CACNA1A: variants seen among roughly 807,000 people sequenced by gnomAD.
CACNA1A encodes voltage-dependent P/Q-type calcium channel subunit alpha-1A.
Under a neutral mutation model 262.4 loss-of-function variants are expected in CACNA1A, and 57 were observed. The ratio of observed to expected loss-of-function variants is 0.22; its 90% CI spans 0.18 to 0.27. CACNA1A has a LOEUF of 0.27. Ranked by LOEUF, CACNA1A falls within the 10% of genes least tolerant of loss-of-function variation. The pLI is 1.00. For missense variants in CACNA1A, 2,526 were observed against 3,562.8 expected (o/e 0.71, Z 7.41); for synonymous variants, 1,431 against 1,419.3 (o/e 1.01, Z -0.18).
At chr19:13,425,738 G>A (rs1056986089) in intron 3 of CACNA1A, among the ~76,000 whole-genome samples, 2 of 152,050 alleles carry the variant, frequency 1.3e-5, no homozygotes, top group Non-Finnish European at 2.9e-5. Context: ...CTTCATCGCA[G>A]GCCTCAATGA....
intron 3 of CACNA1A, among the ~76,000 whole-genome samples, chr19:13,413,397 T>C (rs529979231): frequency 2.4e-4 from 36 of 148,452 alleles, no homozygotes; most frequent in South Asian, 7.0e-4. Context: ...TGAGCCACCG[T>C]GCCCGGCCTA....
intron 3 of CACNA1A, among the ~76,000 whole-genome samples, chr19:13,430,038 G>A (rs1255917722): frequency 7.2e-6 from 1 of 139,486 alleles, no homozygotes; most frequent in Non-Finnish European, 1.5e-5. Context: ...AAGGGGGAGC[G>A]GGGAGTGAGA....
At chr19:13,222,508 G>A (rs1012507161) in intron 38 of CACNA1A, among the ~76,000 whole-genome samples, 6 of 148,658 alleles carry the variant, frequency 4.0e-5, no homozygotes, top group African/African-American at 1.5e-4. Flanking sequence ...CAATTCTCCT[G>A]CCTCAGCCTT....
chr19:13,320,323 C>T (rs749722117), intron 10 of CACNA1A, among the ~76,000 whole-genome samples: 1 of 151,964 alleles, frequency 6.6e-6, no homozygotes, highest in Non-Finnish European at 1.5e-5. Context: ...GCTGGAGCCA[C>T]ACTGAAAACC....
chr19:13,431,432 GA>G (rs2060501460), intron 3 of CACNA1A, among the ~76,000 whole-genome samples: 1 of 152,046 alleles, frequency 6.6e-6, no homozygotes, highest in Non-Finnish European at 1.5e-5. Context: ...GGAAGATCTG[GA>G]GGTCTGAGGC....
At chr19:13,356,787 C>A (rs1568566702) in intron 6 of CACNA1A, among the ~76,000 whole-genome samples, 1 of 152,166 alleles carries the variant, frequency 6.6e-6, no homozygotes, top group Non-Finnish European at 1.5e-5. Context: ...CCTCTCACAC[C>A]AGCCTTGCAA....
chr19:13,336,521 G>C (rs373319027), intron 6 of CACNA1A, among the ~76,000 whole-genome samples: 12 of 149,668 alleles, frequency 8.0e-5, no homozygotes, highest in African/African-American at 2.5e-4. Context: ...CAAGAAGGAA[G>C]TAAGATGAGG....
chr19:13,363,065 A>G (rs1429452361), intron 5 of CACNA1A: 1 of 152,138 alleles, frequency 6.6e-6, no homozygotes, highest in Non-Finnish European at 1.5e-5. Context: ...CACACGTCTT[A>G]TATTTTTAAT....
At chr19:13,457,340 TCA>T (rs1334555728) in intron 1 of CACNA1A, among the ~76,000 whole-genome samples, 1 of 152,078 alleles carries the variant, frequency 6.6e-6, no homozygotes, top group Non-Finnish European at 1.5e-5. Context: ...AAAAAGTTAA[TCA>T]CAGAGTTACC....
intron 38 of CACNA1A, among the ~76,000 whole-genome samples, chr19:13,220,795 T>C (rs1296264796): frequency 6.6e-6 from 1 of 152,058 alleles, no homozygotes; most frequent in Non-Finnish European, 1.5e-5. Flanking sequence ...CTGGCTAATT[T>C]TAAAATTTTC....
At chr19:13,388,383 G>A (rs2059655648) in intron 3 of CACNA1A, among the ~76,000 whole-genome samples, 2 of 150,900 alleles carry the variant, frequency 1.3e-5, no homozygotes, top group Admixed American at 1.3e-4. Flanking sequence ...AGCCTCCTGA[G>A]TAGCTGGGAT....
chr19:13,209,422 G>C lies in CACNA1A; in HGVS notation c.6416C>G (p.Ser2139Trp). The C allele has an allele frequency of 2.9e-6, 4 of 1,393,240 alleles. No homozygotes were observed. The highest frequency in any genetic ancestry group is 3.7e-6 in the Non-Finnish European group (4 of 1,069,752). 86.3% of individuals were successfully genotyped at this position (1,393,240 alleles called of 1,614,324 possible). ...GPKARRLDDYSLERVPPEENQ... is the reference protein window; with the variant it reads ...GPKARRLDDYWLERVPPEENQ... ...CTCCTCGGGCGGGACCCGCTCCAGC[G>C]AGTAATCGTCCAGGCGTCGGGCCTT... is the stretch of plus-strand genomic sequence containing the variant. The change falls in exon 45 of 47, where the codon TCG becomes TGG. Residue 2139 changes from serine to tryptophan, a missense_variant. Coordinates refer to ENST00000360228, the MANE Select transcript of CACNA1A (RefSeq NM_001127222.2).
chr19:13,464,438 ACTT>A (rs1359189021), intron 1 of CACNA1A, among the ~76,000 whole-genome samples: 2 of 152,128 alleles, frequency 1.3e-5, no homozygotes, highest in African/African-American at 4.8e-5. Context: ...AAAAAAGAAA[ACTT>A]AATATGCTTA....
intron 1 of CACNA1A, among the ~76,000 whole-genome samples, chr19:13,477,887 T>G (rs1339068991): frequency 6.6e-6 from 1 of 152,180 alleles, no homozygotes; most frequent in Non-Finnish European, 1.5e-5. Context: ...TCAACCCCAC[T>G]ATCTTTGCAC....
chr19:13,283,692 G>A (rs1026108685), intron 21 of CACNA1A: 28 of 263,772 alleles, frequency 1.1e-4, no homozygotes, highest in Admixed American at 3.4e-4. Flanking sequence ...GAAGAAATAC[G>A]GTCCTTAATT....
chr19:13,333,748 G>A (rs2058509420), intron 8 of CACNA1A: 1 of 152,286 alleles, frequency 6.6e-6, no homozygotes, highest in Non-Finnish European at 1.5e-5. Flanking sequence ...TTCCTACTCT[G>A]TTTTATCTTC....
At chr19:13,412,434 A>T (rs1484687679) in intron 3 of CACNA1A, among the ~76,000 whole-genome samples, 1 of 151,872 alleles carries the variant, frequency 6.6e-6, no homozygotes, top group East Asian at 1.9e-4. Flanking sequence ...GGTGAAGGGT[A>T]TGTGGGAACT....
Position 13,212,889 on chromosome 19 carries a change from G to T in CACNA1A, c.5941-149C>A. On this transcript the variant is annotated intron_variant, in intron 40 of 46. Coordinates refer to ENST00000360228, the MANE Select transcript of CACNA1A (RefSeq NM_001127222.2). The surrounding 1 kb of genome is among the most constrained non-coding windows in gnomAD (Gnocchi z 5.6). ...TCCATCTAGACCCTTCCAATTCCAC[G>T]CAGAACTGGACCACTTCTCACTCCT... 2.2e-6 allele frequency: 1 copy of T among 459,086 alleles called. No individual in the cohort carries two copies. Among genetic ancestry groups the T allele is most frequent in the Non-Finnish European group, 3.8e-6 (1 of 261,572 alleles). 28.4% of individuals were successfully genotyped at this position (459,086 alleles called of 1,614,324 possible). A position where few individuals can be genotyped will look rare whatever the true frequency, so the allele number is the denominator to read the frequency against.
At chr19:13,402,520 C>T (rs537384050) in intron 3 of CACNA1A, among the ~76,000 whole-genome samples, 2 of 150,656 alleles carry the variant, frequency 1.3e-5, no homozygotes, top group East Asian at 3.9e-4. Flanking sequence ...CCACCTGTAC[C>T]CCAATAACTT....
Sources: allele counts gnomAD v4.1 joint callset (sites outside exome capture counted in the v4.1 genomes callset), GRCh38; gene constraint gnomAD v4.1.1; non-coding constraint Gnocchi (gnomAD v3.1); transcripts MANE v1.5; gene names NCBI Gene and HGNC (gene_info 2026-07-23, HGNC 2026-07-21).